The following BRINP3 variants were observed in gnomAD, a reference collection of about 807,000 sequenced individuals.
The protein encoded by BRINP3 is BMP/retinoic acid inducible neural specific 3.
A neutral mutation model predicts 71.0 loss-of-function variants in BRINP3; 19 were observed. That is an observed-to-expected ratio of 0.27 (90% CI 0.19 to 0.39). BRINP3 has a LOEUF of 0.39. Among genes scored for constraint, BRINP3 ranks in the 10% least tolerant of loss-of-function variants. The probability of loss-of-function intolerance (pLI) is 1.00; values close to 1 mark genes in which losing one functional copy is unlikely to be tolerated. For missense variants in BRINP3, 959 were observed against 940.8 expected, an observed-to-expected ratio of 1.02 and a Z score of -0.25; for synonymous variants, 380 against 337.7, an observed-to-expected ratio of 1.13 and a Z score of -1.37.
Position 190,454,868 on chromosome 1 carries a change from C to T in BRINP3, c.23G>A (p.Gly8Asp). The change falls in exon 2 of 8, where the codon GGT (glycine) becomes GAT (aspartate). Residue 8 changes from glycine (G) to aspartate (D), a missense_variant. Gly to Asp is a moderately conservative substitution (Grantham distance 94). Transcript: ENST00000367462. MIWRSRA[G>D]AELFSLMALW... is the part of the protein sequence containing the mutation. Reference sequence around the variant, plus strand: ...AGCCATCAGAGAGAACAATTCAGCACCAGCTCTGCTTCGCCATATCATGCT... The same window carrying T: ...AGCCATCAGAGAGAACAATTCAGCATCAGCTCTGCTTCGCCATATCATGCT... 6.2e-7 allele frequency: 1 copy of T among 1,614,144 alleles called. No individual in the cohort carries two copies. The highest frequency in any genetic ancestry group is 8.5e-7 in the Non-Finnish European group (1 of 1,180,002).
At chr1:190,453,368 T>C (rs969061964) in intron 2 of BRINP3, among the ~76,000 whole-genome samples, 1 of 151,210 alleles carries the variant, frequency 6.6e-6, no homozygotes, top group Admixed American at 6.6e-5. Context: ...CTACAGGCGC[T>C]AGCCACCACG....
intron 2 of BRINP3, among the ~76,000 whole-genome samples, chr1:190,318,766 A>G (rs1666048082): frequency 6.6e-6 from 1 of 152,010 alleles, no homozygotes; most frequent in Non-Finnish European, 1.5e-5. Flanking sequence ...ATGTAGATCT[A>G]TATAATTCAT....
Position 190,099,122 on chromosome 1 carries a change from G to GT in BRINP3, c.1196dup (p.Tyr399Ter). Residue 399 changes from tyrosine (Y) to a stop codon, truncating the protein, a stop_gained and frameshift_variant, in exon 8 of 8, where the codon TAC (tyrosine) becomes TAAC (stop). Transcript: ENST00000367462. LOFTEE classifies it high-confidence loss of function. ...ISLPRQRTST[Y>*]WLTRIQSFLY... ...GAAAAGACTGGATGCGAGTAAGCCA[G>GT]TAGGTTGAGGTTCTAGAAATACAAA... The GT allele has an allele frequency of 6.2e-7, 1 of 1,613,118 alleles. No individual in the cohort carries two copies. Among genetic ancestry groups the GT allele is most frequent in the Non-Finnish European group, 8.5e-7 (1 of 1,179,248 alleles).
intron 7 of BRINP3, among the ~76,000 whole-genome samples, chr1:190,124,782 T>C (rs552966724): frequency 1.3e-5 from 2 of 152,156 alleles, no homozygotes; most frequent in South Asian, 4.1e-4. Context: ...AGAAGAGTGG[T>C]TGTCCTATAC....
intron 3 of BRINP3, among the ~76,000 whole-genome samples, chr1:190,276,967 T>A (rs981992372): frequency 6.7e-6 from 1 of 149,222 alleles, no homozygotes; most frequent in African/African-American, 2.4e-5. Flanking sequence ...GTACATTCAA[T>A]AACAGTGGTC....
At chr1:190,342,140 TTC>T (rs1235045230) in intron 2 of BRINP3, among the ~76,000 whole-genome samples, 1 of 151,642 alleles carries the variant, frequency 6.6e-6, no homozygotes, top group Non-Finnish European at 1.5e-5. Context: ...GTTCTCTGTC[TTC>T]TGCCTCCCAT....
At chr1:190,340,852 T>G (rs1182785489) in intron 2 of BRINP3, among the ~76,000 whole-genome samples, 3 of 151,818 alleles carry the variant, frequency 2.0e-5, no homozygotes, top group African/African-American at 7.2e-5. Flanking sequence ...TGGATTCTAA[T>G]GTAGAGAATA....
At chr1:190,437,152 C>A (rs947845518) in intron 2 of BRINP3, among the ~76,000 whole-genome samples, 1 of 151,494 alleles carries the variant, frequency 6.6e-6, no homozygotes, top group African/African-American at 2.4e-5. Context: ...ATTTTTTCAG[C>A]AAAAAATCAA....
chr1:190,343,016 T>A (rs1209488105), intron 2 of BRINP3, among the ~76,000 whole-genome samples: 1 of 151,770 alleles, frequency 6.6e-6, no homozygotes, highest in Non-Finnish European at 1.5e-5. Flanking sequence ...CTATGGTGGC[T>A]CTTTAAACAG....
chr1:190,373,795 T>C (rs936263220), intron 2 of BRINP3, among the ~76,000 whole-genome samples: 5 of 151,608 alleles, frequency 3.3e-5, no homozygotes, highest in African/African-American at 9.7e-5. Flanking sequence ...GCAGAAGTAA[T>C]TGTGGTTCGT....
chr1:190,212,514 A>G (rs913441293), intron 6 of BRINP3, among the ~76,000 whole-genome samples: 1 of 152,116 alleles, frequency 6.6e-6, no homozygotes, highest in Non-Finnish European at 1.5e-5. Context: ...CTCATCTGAG[A>G]TTATATGGAT....
intron 1 of BRINP3, among the ~76,000 whole-genome samples, chr1:190,476,554 T>C (rs1677516892): frequency 6.6e-6 from 1 of 152,118 alleles, no homozygotes; most frequent in South Asian, 2.1e-4. Context: ...CATAGAAATG[T>C]TCATAAAAGC....
Position 190,300,196 on chromosome 1 carries a change from A to G in BRINP3, c.237-18446T>C, listed in dbSNP as rs377355143. 2.0e-3 allele frequency among the ~76,000 whole-genome samples: 305 copies of G among 152,248 alleles called. 1 individual carries two copies. The highest frequency in any genetic ancestry group is 6.8e-3 in the African/African-American group (284 of 41,552). ...TCACTTTCAGGTACACCAATCAGAC[A>G]TAGATTTGGTCTTTTCACATAGTCC... On this transcript the variant is annotated intron_variant, in intron 2 of 7. Transcript: ENST00000367462.
chr1:190,364,953 T>C (rs968751074), intron 2 of BRINP3, among the ~76,000 whole-genome samples: 8 of 152,086 alleles, frequency 5.3e-5, no homozygotes, highest in Non-Finnish European at 7.4e-5. Flanking sequence ...CAAGACTCTA[T>C]GGACTGATAA....
At chr1:190,446,416 G>T (rs1306393186) in intron 2 of BRINP3, among the ~76,000 whole-genome samples, 1 of 152,004 alleles carries the variant, frequency 6.6e-6, no homozygotes, top group Non-Finnish European at 1.5e-5. Context: ...TCTTACTATA[G>T]CTTCTTCAAT....
intron 2 of BRINP3, among the ~76,000 whole-genome samples, chr1:190,412,549 G>A (rs1672757504): frequency 7.0e-6 from 1 of 143,472 alleles, no homozygotes; most frequent in South Asian, 2.2e-4. Flanking sequence ...TGCAAGCTCC[G>A]CCTCCCGGGT....
rs147155664 is a variant in BRINP3 at position 190,152,934 on chromosome 1, TATA to T, written c.1184+7731_1184+7733del. Among the ~76,000 whole-genome samples, 160 of 152,218 alleles carry T rather than the reference TATA, an allele frequency of 1.1e-3. 8 individuals are homozygous for T. In the East Asian group the frequency reaches 0.024, roughly 23 times the overall value. On this transcript the variant is annotated intron_variant, in intron 7 of 7. Transcript: ENST00000367462. ...AATTTCAACTCACAACTGTCTAAGA[TATA>T]ATAAAGTGAAAGATAATTAAAAGAT...
At chr1:190,408,107 C>T (rs1165034898) in intron 2 of BRINP3, among the ~76,000 whole-genome samples, 6 of 144,732 alleles carry the variant, frequency 4.1e-5, no homozygotes, top group East Asian at 2.1e-4. Context: ...CTGCAAGCTC[C>T]GCCTCCCGGG....
intron 7 of BRINP3, 85 bp from the exon 8 acceptor site, chr1:190,099,219 A>G (rs1651474792): frequency 2.5e-5 from 34 of 1,361,730 alleles, no homozygotes; most frequent in Non-Finnish European, 3.3e-5. Flanking sequence ...AATCTTTGCT[A>G]TCATTTCTTC....
Sources: allele counts gnomAD v4.1 joint callset (sites outside exome capture counted in the v4.1 genomes callset), GRCh38; gene constraint gnomAD v4.1.1; transcripts MANE v1.5; gene names NCBI Gene and HGNC (gene_info 2026-07-23, HGNC 2026-07-21).